Variants in CFAP46 observed in about 807,000 individuals in gnomAD.
CFAP46 encodes cilia and flagella associated protein 46.
CFAP46 carries 245 observed loss-of-function variants against 325.7 expected under a neutral mutation model. That is an observed-to-expected ratio of 0.75 (90% CI 0.68 to 0.84). The LOEUF (loss-of-function observed/expected upper bound fraction) is 0.84. Among genes scored for constraint, CFAP46 ranks in the 40% least tolerant of loss-of-function variants. CFAP46 has a pLI of 0.00. For synonymous variants in CFAP46, 1,523 were observed against 1,495.9 expected (o/e 1.02, Z -0.42); for missense variants, 3,346 against 3,543.0 (o/e 0.94, Z 1.41).
intron 35 of CFAP46, among the ~76,000 whole-genome samples, chr10:132,862,715 GGA>G (rs923762746): frequency 6.6e-6 from 1 of 151,848 alleles, no homozygotes; most frequent in African/African-American, 2.4e-5. Flanking sequence ...CCAGCAGGAC[GGA>G]GAGAGCCCCG....
intron 56 of CFAP46, 79 bp from the exon 57 acceptor site, chr10:132,810,568 G>C: frequency 7.8e-7 from 1 of 1,275,784 alleles, no homozygotes; most frequent in Non-Finnish European, 1.1e-6. Flanking sequence ...GGCCCGGGAT[G>C]CCAGGGGCCC....
intron 24 of CFAP46, among the ~76,000 whole-genome samples, chr10:132,895,844 G>A (rs1198304379): frequency 2.0e-5 from 3 of 152,198 alleles, no homozygotes; most frequent in Non-Finnish European, 4.4e-5. Flanking sequence ...TCCTCACAAT[G>A]AAGTTGGTGC....
At chr10:132,825,870 C>T (rs1043581992) in intron 50 of CFAP46, among the ~76,000 whole-genome samples, 6 of 152,292 alleles carry the variant, frequency 3.9e-5, no homozygotes, top group East Asian at 1.9e-4. Flanking sequence ...CTGGGACTCC[C>T]GGGCACACCA....
intron 51 of CFAP46, 33 bp from the exon 52 acceptor site, chr10:132,814,779 G>A (rs770981345): frequency 4.3e-6 from 7 of 1,613,506 alleles, no homozygotes; most frequent in East Asian, 4.5e-5. Context: ...GCAGGTGCAG[G>A]GGCCAGGAGC....
chr10:132,821,465 A>T (rs1445072797), intron 50 of CFAP46, among the ~76,000 whole-genome samples: 13 of 69,234 alleles, frequency 1.9e-4, no homozygotes, highest in Admixed American at 5.6e-4. Flanking sequence ...GTGTGTGCTG[A>T]TGTGTGTTGT....
intron 20 of CFAP46, 139 bp from the exon 21 acceptor site, chr10:132,909,383 G>GT (rs1252719541): frequency 3.1e-6 from 2 of 651,114 alleles, no homozygotes; most frequent in Non-Finnish European, 5.4e-6. Flanking sequence ...ACCTTAGGCT[G>GT]TTTTTGTAAC....
chr10:132,903,677 G>A (rs549789124), intron 22 of CFAP46, among the ~76,000 whole-genome samples: 88 of 152,264 alleles, frequency 5.8e-4, no homozygotes, highest in African/African-American at 2.0e-3. Context: ...ACAAGAGTAC[G>A]ATACCCATTA....
At chr10:132,887,093 C>T (rs57651104) in intron 25 of CFAP46, among the ~76,000 whole-genome samples, 1 of 128,738 alleles carries the variant, frequency 7.8e-6, no homozygotes, top group African/African-American at 4.0e-5. Context: ...TTCTCTCTCT[C>T]CTCTCCTCTC....
At chr10:132,911,900 G>C (rs889164757) in intron 19 of CFAP46, among the ~76,000 whole-genome samples, 2 of 152,010 alleles carry the variant, frequency 1.3e-5, no homozygotes, top group Non-Finnish European at 2.9e-5. Context: ...ACCCACCCAC[G>C]GGTCTTGTTT....
rs980504204 is a variant in CFAP46, at chr10:132,847,866, C to A, written c.5953-545G>T. 2.6e-5 allele frequency among the ~76,000 whole-genome samples: 4 copies of A among 152,228 alleles called. No homozygotes were observed. The highest frequency in any genetic ancestry group is 2.0e-4 in the Admixed American group (3 of 15,296). On this transcript the variant is annotated intron_variant, in intron 41 of 57. Coordinates refer to ENST00000368586, the MANE Select transcript of CFAP46 (RefSeq NM_001200049.3). The surrounding 1 kb of genome is among the most constrained non-coding windows in gnomAD (Gnocchi z 5.2). ...TCTATATATGCACCCAATGATCAGG[C>A]GTCAAAATAAAAACACTGATAGAAA...
Position 132,828,936 on chromosome 10 carries a change from C to T in CFAP46, c.7117+4422G>A, listed in dbSNP as rs1049710630. Among the ~76,000 whole-genome samples, 2 of 152,194 alleles carry T rather than the reference C, an allele frequency of 1.3e-5. No individual in the cohort carries two copies. The highest frequency in any genetic ancestry group is 2.9e-5 in the Non-Finnish European group (2 of 68,042). On this transcript the variant is annotated intron_variant, in intron 50 of 57. Transcript: ENST00000368586. This position sits in a 1 kb window ranked among gnomAD's most constrained non-coding sequence, Gnocchi z 4.9. ...CGCCCCATCCCCTGGGTCTACACGG[C>T]TACCGTCACGCCTGCGCTCCACTGT...
At chr10:132,841,778 G>A (rs56668986) in intron 44 of CFAP46, among the ~76,000 whole-genome samples, 10,694 of 152,246 alleles carry the variant, frequency 0.07, 941 homozygotes, top group African/African-American at 0.21. Flanking sequence ...CCCTGGGGCC[G>A]CCATGGAGAG....
At chr10:132,909,688 A>G (rs1849511510) in intron 20 of CFAP46, among the ~76,000 whole-genome samples, 1 of 152,220 alleles carries the variant, frequency 6.6e-6, no homozygotes, top group Non-Finnish European at 1.5e-5. Flanking sequence ...CAGCACCCCC[A>G]CAGGCCCAGC....
In CFAP46 at chr10:132,877,054, C is replaced by T. The variant is rs941680629; in HGVS notation, c.4213-93G>A. 3.0e-6 allele frequency: 4 copies of T among 1,344,332 alleles called. No individual in the cohort carries two copies. The Admixed American group carries it at 6.9e-5, about 23-fold the overall frequency. The allele number at this position is 1,344,332 out of a possible 1,614,324, so 83.3% of individuals were successfully genotyped here. ...CCGGCATGGCTGTGCAGCATTCAGG[C>T]CACAGCCCTGGGCAGCCGGCATCCT... On this transcript the variant is annotated intron_variant, in intron 30 of 57. Coordinates refer to ENST00000368586, the MANE Select transcript of CFAP46 (RefSeq NM_001200049.3). This position sits in a 1 kb window ranked among gnomAD's most constrained non-coding sequence, Gnocchi z 5.7.
chr10:132,822,781 C>CTT (rs1847899868), intron 50 of CFAP46, among the ~76,000 whole-genome samples: 1 of 45,834 alleles, frequency 2.2e-5, no homozygotes, highest in Non-Finnish European at 4.9e-5. Flanking sequence ...TGTGTGTGCA[C>CTT]TTGTGTGTGC....
intron 43 of CFAP46, 34 bp from the exon 44 acceptor site, chr10:132,846,261 C>A: frequency 6.2e-7 from 1 of 1,602,654 alleles, no homozygotes; most frequent in Non-Finnish European, 8.5e-7. Context: ...ACCAGGGGCC[C>A]GAGGCCTGGG....
intron 27 of CFAP46, among the ~76,000 whole-genome samples, chr10:132,882,260 G>A (rs557947010): frequency 4.0e-5 from 6 of 151,750 alleles, no homozygotes; most frequent in African/African-American, 1.5e-4. Context: ...TGTGAGTTGT[G>A]TGTGGGGGTA....
At position 132,828,078 on chromosome 10, in the gene CFAP46, C is replaced by T. The variant is rs183059339; in HGVS notation, c.7117+5280G>A. Among the ~76,000 whole-genome samples the T allele has an allele frequency of 3.8e-3, 576 of 152,354 alleles. 6 individuals are homozygous for T. The highest frequency in any genetic ancestry group is 0.013 in the African/African-American group (545 of 41,580). On this transcript the variant is annotated intron_variant, in intron 50 of 57. Coordinates refer to ENST00000368586, the MANE Select transcript of CFAP46 (RefSeq NM_001200049.3). The surrounding 1 kb of genome is among the most constrained non-coding windows in gnomAD (Gnocchi z 4.9). Reference sequence around the variant, plus strand: ...CGTGGCCGCACCCCAATGTGCTCATCGCCCACTGGGTGTCCAGGTGTCCGT... The same window carrying T: ...CGTGGCCGCACCCCAATGTGCTCATTGCCCACTGGGTGTCCAGGTGTCCGT...
chr10:132,845,979 T>C (rs1591048876), intron 44 of CFAP46, 78 bp downstream of exon 44: 3 of 1,462,340 alleles, frequency 2.1e-6, no homozygotes, highest in East Asian at 4.8e-5. Flanking sequence ...CGCTCAGGCG[T>C]GGGACTGTGC....
Sources: allele counts gnomAD v4.1 joint callset (sites outside exome capture counted in the v4.1 genomes callset), GRCh38; gene constraint gnomAD v4.1.1; non-coding constraint Gnocchi (gnomAD v3.1); transcripts MANE v1.5; gene names NCBI Gene and HGNC (gene_info 2026-07-23, HGNC 2026-07-21).